DNAH7: variants seen among roughly 807,000 people sequenced by gnomAD.
DNAH7 encodes the protein dynein axonemal heavy chain 7.
DNAH7 carries 397 observed loss-of-function variants against 444.6 expected under a neutral mutation model. The observed-to-expected ratio is 0.89, with a 90% CI of 0.82 to 0.97. DNAH7 has a LOEUF of 0.97. Among genes scored for constraint, DNAH7 ranks in the 50% least tolerant of loss-of-function variants. DNAH7 has a pLI of 0.00. For synonymous variants in DNAH7, 1,636 were observed against 1,624.4 expected (o/e 1.01, Z -0.17); for missense variants, 4,902 against 4,800.8 (o/e 1.02, Z -0.62).
chr2:195,740,650 T>TCTATATATATATATACAC, intron 64 of DNAH7, 116 bp downstream of exon 64: 1 of 72,202 alleles, frequency 1.4e-5, no homozygotes, highest in Admixed American at 1.3e-4. Context: ...TATATACATA[T>TCTATATATATATATACAC]ACACACACAC....
rs929200605 is a variant in DNAH7 at position 195,754,807 on chromosome 2, C to T, written c.11587-293G>A. Among the ~76,000 whole-genome samples, 10 of 152,308 alleles carry T rather than the reference C, an allele frequency of 6.6e-5. No individual in the cohort carries two copies. In the East Asian group the frequency reaches 1.5e-3, roughly 23 times the overall value. ...GGATTACAGGCATGAGCCACCACAC[C>T]TAGGGAGCCTTTCAACTTTTGAATA... On this transcript the variant is annotated intron_variant, in intron 62 of 64. Coordinates refer to ENST00000312428, the MANE Select transcript of DNAH7 (RefSeq NM_018897.3).
chr2:195,763,236 T>C (rs912180814), intron 61 of DNAH7, among the ~76,000 whole-genome samples: 1 of 152,110 alleles, frequency 6.6e-6, no homozygotes, highest in Non-Finnish European at 1.5e-5. Context: ...GTTTATAGTT[T>C]AAGTGTTTCT....
intron 21 of DNAH7, among the ~76,000 whole-genome samples, chr2:195,926,889 A>G (rs1688368993): frequency 6.6e-6 from 1 of 152,062 alleles, no homozygotes. Context: ...AAGCATGAGC[A>G]ATTTTACTGC....
rs1315346209 is a variant in DNAH7, at chr2:195,960,483, C to CT, written c.2667dup (p.Gly890ArgfsTer3). 8 of 1,614,022 alleles carry CT rather than the reference C, an allele frequency of 5.0e-6. No homozygotes were observed. The highest frequency in any genetic ancestry group is 6.8e-6 in the Non-Finnish European group (8 of 1,180,022). The stretch of plus-strand genomic sequence containing the variant: ...TCTTTGCTAGCTGCTTCACTAATAC[C>CT]TTCAAATCGGTCTATATATGGTTCC... On this transcript the variant is annotated frameshift_variant, in exon 18 of 65. Transcript: ENST00000312428. LOFTEE classifies it high-confidence loss of function.
intron 5 of DNAH7, among the ~76,000 whole-genome samples, chr2:196,038,121 GA>G (rs957504555): frequency 1.7e-4 from 25 of 146,880 alleles, no homozygotes; most frequent in East Asian, 7.9e-4. Flanking sequence ...AGTGCTAAAA[GA>G]AAAAAAAAAC....
At position 196,047,340 on chromosome 2, in the gene DNAH7, T is replaced by C. The variant is rs371950943; in HGVS notation, c.398+12A>G. 9.6e-6 allele frequency: 15 copies of C among 1,563,288 alleles called. No individual in the cohort carries two copies. The highest frequency in any genetic ancestry group is 1.1e-5 in the Non-Finnish European group (13 of 1,152,356). On this transcript the variant is annotated intron_variant, in intron 5 of 64. Coordinates refer to ENST00000312428, the MANE Select transcript of DNAH7 (RefSeq NM_018897.3). ...CATGGGTAACACGTAATGGTTAGCCTATACAACTTACATAATGACATTAAC... is the reference window on the plus strand; with the variant it reads ...CATGGGTAACACGTAATGGTTAGCCCATACAACTTACATAATGACATTAAC...
chr2:196,064,337 AAATAAATAAAT>A lies in DNAH7; in HGVS notation c.15+4349_15+4359del, dbSNP rs1456530677. On this transcript the variant is annotated intron_variant, in intron 1 of 64. Coordinates refer to ENST00000312428, the MANE Select transcript of DNAH7 (RefSeq NM_018897.3). ...TCTCAAAATAAATAAATAAATAAATAAATAAATAAATAATAAATAATAAATAAATAATAAAA... is the reference window on the plus strand; with the variant it reads ...TCTCAAAATAAATAAATAAATAAATAAATAAATAATAAATAAATAATAAAA... Among the ~76,000 whole-genome samples, 406 of 64,024 alleles carry A rather than the reference AAATAAATAAAT, an allele frequency of 6.3e-3. 1 individual carries two copies. The highest frequency in any genetic ancestry group is 0.015 in the African/African-American group (358 of 24,370). The allele number at this position is 64,024 out of a possible 152,430, so 42.0% of individuals were successfully genotyped here. A position where few individuals can be genotyped will look rare whatever the true frequency, so the allele number is the denominator to read the frequency against.
chr2:195,837,086 C>A (rs1039359534), intron 47 of DNAH7, among the ~76,000 whole-genome samples: 1 of 152,208 alleles, frequency 6.6e-6, no homozygotes, highest in East Asian at 1.9e-4. Context: ...ATTCCTTAGC[C>A]GCATCATCCA....
intron 60 of DNAH7, among the ~76,000 whole-genome samples, chr2:195,773,817 T>G (rs1014799381): frequency 6.6e-6 from 1 of 152,258 alleles, no homozygotes; most frequent in South Asian, 2.1e-4. Context: ...CTAAATAGTG[T>G]GTGGCAGTTA....
At chr2:195,921,054 T>C (rs955130433) in intron 24 of DNAH7, among the ~76,000 whole-genome samples, 1 of 151,904 alleles carries the variant, frequency 6.6e-6, no homozygotes, top group Non-Finnish European at 1.5e-5. Flanking sequence ...AATTTAAAAA[T>C]AAAAAAATAG....
At chr2:196,027,085 A>G in intron 6 of DNAH7, 145 bp from the exon 7 acceptor site, 2 of 582,706 alleles carry the variant, frequency 3.4e-6, no homozygotes, top group Non-Finnish European at 5.8e-6. Context: ...TCACATAGGT[A>G]TTATTTGAGA....
chr2:195,899,924 C>A (rs2125260479), intron 28 of DNAH7, among the ~76,000 whole-genome samples: 1 of 152,182 alleles, frequency 6.6e-6, no homozygotes, highest in South Asian at 2.1e-4. Context: ...TAATAAGTGA[C>A]AATATTTAGA....
intron 5 of DNAH7, among the ~76,000 whole-genome samples, chr2:196,028,815 A>G (rs1695852940): frequency 6.6e-6 from 1 of 152,210 alleles, no homozygotes; most frequent in African/African-American, 2.4e-5. Context: ...CCTTCCCACT[A>G]ACTGCCCAGT....
chr2:196,042,004 A>G (rs1428313402), intron 5 of DNAH7, among the ~76,000 whole-genome samples: 1 of 152,108 alleles, frequency 6.6e-6, no homozygotes, highest in Non-Finnish European at 1.5e-5. Flanking sequence ...AAGCAAAACC[A>G]CAATGAGATA....
rs1357094193 is a variant in DNAH7 at position 195,787,080 on chromosome 2, G to T, written c.10808C>A (p.Pro3603His). The T allele has an allele frequency of 1.2e-6, 2 of 1,612,728 alleles. No homozygotes were observed. Among genetic ancestry groups the T allele is most frequent in the African/African-American group, 2.7e-5 (2 of 74,800 alleles). The change falls in exon 58 of 65, where the codon CCT (proline) becomes CAT (histidine). Residue 3603 changes from proline to histidine, a missense_variant. Transcript: ENST00000312428. ...RKFGPLGWNIPYEFNETDLRI... is the reference protein window; with the variant it reads ...RKFGPLGWNIHYEFNETDLRI... Reference sequence around the variant, plus strand: ...CAGATCTGTCTCATTGAACTCATAAGGAATATTCCACCCTAGGGGTCCAAA... The same window carrying T: ...CAGATCTGTCTCATTGAACTCATAATGAATATTCCACCCTAGGGGTCCAAA...
intron 45 of DNAH7, among the ~76,000 whole-genome samples, chr2:195,853,964 A>G (rs905210800): frequency 1.3e-5 from 2 of 152,178 alleles, no homozygotes; most frequent in Non-Finnish European, 2.9e-5. Flanking sequence ...TTAATAATTT[A>G]TGATTATTTA....
At chr2:196,059,226 C>T (rs1312426149) in intron 1 of DNAH7, among the ~76,000 whole-genome samples, 1 of 152,098 alleles carries the variant, frequency 6.6e-6, no homozygotes, top group Admixed American at 6.5e-5. Flanking sequence ...TTTTTCCCCC[C>T]GCAAGCTGCC....
rs201418733 is a variant in DNAH7, at chr2:195,864,212, T to A, written c.7443A>T (p.Ala2481=). The change falls in exon 41 of 65, where the codon GCA becomes GCT. Residue 2481 remains alanine (A), a synonymous_variant. Transcript: ENST00000312428. Reference sequence around the variant, plus strand: ...GGAACTTTCTAAGACGATTCCGAAATGCATCTCCAATGGGACTCATGGCAA... The same window carrying A: ...GGAACTTTCTAAGACGATTCCGAAAAGCATCTCCAATGGGACTCATGGCAA... ...VVLAMSPIGD[A]FRNRLRKFPA... 2 of 1,614,026 alleles carry A rather than the reference T, an allele frequency of 1.2e-6. No individual in the cohort carries two copies. The highest frequency in any genetic ancestry group is 2.7e-5 in the African/African-American group (2 of 74,918).
Position 195,965,007 on chromosome 2 carries a change from C to G in DNAH7, c.2206-4062G>C, listed in dbSNP as rs75251318. On this transcript the variant is annotated intron_variant, in intron 17 of 64. Transcript: ENST00000312428. ...TAGTACTTCCAGCACTATGTTGACT[C>G]ACAGTGGTGAAAGTGGGCATCCTTG... 3.4e-3 allele frequency among the ~76,000 whole-genome samples: 516 copies of G among 152,248 alleles called. 2 individuals are homozygous for G. Among genetic ancestry groups the G allele is most frequent in the South Asian group, 0.017 (80 of 4,824 alleles).
Sources: allele counts gnomAD v4.1 joint callset (sites outside exome capture counted in the v4.1 genomes callset), GRCh38; gene constraint gnomAD v4.1.1; transcripts MANE v1.5; gene names NCBI Gene and HGNC (gene_info 2026-07-23, HGNC 2026-07-21).